The following OXR1 variants were observed in gnomAD, a reference collection of about 807,000 sequenced individuals.
OXR1 encodes the protein oxidation resistance protein 1.
In OXR1, 41 loss-of-function variants were observed where a neutral mutation model predicts 104.6. The observed-to-expected ratio is 0.39, with a 90% CI of 0.31 to 0.51. The LOEUF (loss-of-function observed/expected upper bound fraction) is 0.51, where lower values mean the gene tolerates loss of function less well. Among genes scored for constraint, OXR1 ranks in the 20% least tolerant of loss-of-function variants. OXR1 has a pLI of 0.77. For missense variants in OXR1, 955 were observed against 1,031.9 expected, an observed-to-expected ratio of 0.93 and a Z score of 1.02; for synonymous variants, 348 against 348.4, an observed-to-expected ratio of 1.00 and a Z score of 0.01.
At chr8:106,576,553 T>G (rs906246265) in intron 3 of OXR1, among the ~76,000 whole-genome samples, 1 of 151,582 alleles carries the variant, frequency 6.6e-6, no homozygotes, top group Admixed American at 6.6e-5. Context: ...TGTTGAAGAT[T>G]TTTATCCAAA....
At chr8:106,696,259 G>A (rs958414079) in intron 7 of OXR1, among the ~76,000 whole-genome samples, 6 of 152,198 alleles carry the variant, frequency 3.9e-5, no homozygotes, top group South Asian at 2.1e-4. Flanking sequence ...CTTTCACTTA[G>A]CAATGTGTGT....
At chr8:106,368,311 A>G (rs1309830293) in intron 2 of OXR1, among the ~76,000 whole-genome samples, 1 of 152,188 alleles carries the variant, frequency 6.6e-6, no homozygotes, top group Non-Finnish European at 1.5e-5. Context: ...GAATATAACC[A>G]GTTTCTCATT....
At chr8:106,519,645 G>T (rs2130113740) in intron 3 of OXR1, among the ~76,000 whole-genome samples, 1 of 152,302 alleles carries the variant, frequency 6.6e-6, no homozygotes, top group African/African-American at 2.4e-5. Flanking sequence ...AGAGAGGACA[G>T]ATTACATTGT....
At chr8:106,345,988 T>A (rs1029108564) in intron 1 of OXR1, among the ~76,000 whole-genome samples, 7 of 152,096 alleles carry the variant, frequency 4.6e-5, no homozygotes, top group Admixed American at 1.3e-4. Context: ...TCAGCTGAAA[T>A]TCTGGACTAG....
rs140437597 is a variant in OXR1 at position 106,687,692 on chromosome 8, T to C, written c.525+3333T>C. 8.6e-5 allele frequency among the ~76,000 whole-genome samples: 13 copies of C among 151,116 alleles called. No individual in the cohort carries two copies. The East Asian group carries it at 2.5e-3, about 30-fold the overall frequency. ...CCACGCCACTGCCCTTCAGCCTGGGTTACAGAGTGAGACTCTGTCTCAAAA... is the reference window on the plus strand; with the variant it reads ...CCACGCCACTGCCCTTCAGCCTGGGCTACAGAGTGAGACTCTGTCTCAAAA... On this transcript the variant is annotated intron_variant, in intron 6 of 16. Transcript: ENST00000517566.
chr8:106,351,887 C>T (rs1031036396), intron 1 of OXR1, among the ~76,000 whole-genome samples: 5 of 152,074 alleles, frequency 3.3e-5, no homozygotes, highest in Non-Finnish European at 7.3e-5. Context: ...ATCTAATATT[C>T]CTATTTTACA....
At chr8:106,303,297 A>G (rs1586496558) in intron 1 of OXR1, among the ~76,000 whole-genome samples, 2 of 121,180 alleles carry the variant, frequency 1.7e-5, no homozygotes, top group African/African-American at 6.6e-5. Flanking sequence ...TCTGTCACCC[A>G]GGCTGGAGTG....
chr8:106,742,278 T>C lies in OXR1; in HGVS notation c.2373T>C (p.Thr791=). The change falls in exon 15 of 17, where the codon ACT becomes ACC. Residue 791 remains threonine, a synonymous_variant. Coordinates refer to ENST00000517566, the MANE Select transcript of OXR1 (RefSeq NM_001198533.2). ...PLKVSDGFYG[T]GETFVFTFCP... is the part of the protein sequence containing the mutation. Reference sequence around the variant, plus strand: ...AAGTGAGTGATGGCTTTTATGGTACTGGAGAGACCTTTGTTTTTACATTCT... The same window carrying C: ...AAGTGAGTGATGGCTTTTATGGTACCGGAGAGACCTTTGTTTTTACATTCT... 6.2e-7 allele frequency: 1 copy of C among 1,611,228 alleles called. No individual in the cohort carries two copies. The highest frequency in any genetic ancestry group is 1.1e-5 in the South Asian group (1 of 90,908).
intron 2 of OXR1, among the ~76,000 whole-genome samples, chr8:106,479,368 C>T (rs1325119474): frequency 6.6e-6 from 1 of 152,028 alleles, no homozygotes; most frequent in African/African-American, 2.4e-5. Flanking sequence ...ATTCAATTCC[C>T]ATTAACATAG....
Position 106,674,622 on chromosome 8 carries a change from T to C in OXR1, c.221-4588T>C, listed in dbSNP as rs572454442. ...GGGAGGGGCCAGGGGCAGAATGATA[T>C]GGTTTGGCTTTGTGTCCCCACCCAA... On this transcript the variant is annotated intron_variant, in intron 3 of 16. Transcript: ENST00000517566. 1.4e-4 allele frequency among the ~76,000 whole-genome samples: 22 copies of C among 152,176 alleles called. No individual in the cohort carries two copies. In the South Asian group the frequency reaches 3.9e-3, roughly 27 times the overall value.
chr8:106,418,670 A>G lies in OXR1; in HGVS notation c.23+59034A>G, dbSNP rs1818780727. Among the ~76,000 whole-genome samples, 4 of 152,154 alleles carry G rather than the reference A, an allele frequency of 2.6e-5. No homozygotes were observed. In the South Asian group the frequency reaches 6.2e-4, roughly 24 times the overall value. On this transcript the variant is annotated intron_variant, in intron 2 of 16. Coordinates refer to ENST00000517566, the MANE Select transcript of OXR1 (RefSeq NM_001198533.2). ...TTATTTATTTACCGAAGAGGAATTC[A>G]TGTTCACAAGACAACTGAAAAAAAA...
chr8:106,298,832 T>G (rs185356803), intron 1 of OXR1, among the ~76,000 whole-genome samples: 1 of 152,208 alleles, frequency 6.6e-6, no homozygotes, highest in East Asian at 1.9e-4. Context: ...GATAAAACCT[T>G]TACTAATCTG....
At chr8:106,308,124 G>A (rs1158073054) in intron 1 of OXR1, among the ~76,000 whole-genome samples, 1 of 152,118 alleles carries the variant, frequency 6.6e-6, no homozygotes. Flanking sequence ...GGGGGCCCAG[G>A]AAAGCCAGTG....
intron 2 of OXR1, among the ~76,000 whole-genome samples, chr8:106,509,782 T>G (rs955264888): frequency 1.3e-5 from 2 of 152,186 alleles, no homozygotes; most frequent in Non-Finnish European, 2.9e-5. Context: ...CATTCTTTAT[T>G]TTTTCTTTAA....
intron 3 of OXR1, among the ~76,000 whole-genome samples, chr8:106,615,342 G>T (rs1421423647): frequency 6.6e-6 from 1 of 151,796 alleles, no homozygotes; most frequent in Non-Finnish European, 1.5e-5. Context: ...TGAGGCAGGA[G>T]AATCACATGA....
intron 11 of OXR1, among the ~76,000 whole-genome samples, chr8:106,721,321 G>A (rs1465956401): frequency 6.6e-6 from 1 of 151,862 alleles, no homozygotes. Flanking sequence ...CCTAATTAAA[G>A]TATCCAGTTC....
intron 2 of OXR1, among the ~76,000 whole-genome samples, chr8:106,473,759 T>C (rs1586687820): frequency 6.6e-6 from 1 of 151,442 alleles, no homozygotes; most frequent in Admixed American, 6.6e-5. Flanking sequence ...TTTGCGGTCT[T>C]GTCAGGGACA....
intron 3 of OXR1, among the ~76,000 whole-genome samples, chr8:106,602,378 A>G (rs1820039440): frequency 6.6e-6 from 1 of 152,202 alleles, no homozygotes; most frequent in Non-Finnish European, 1.5e-5. Flanking sequence ...CATGGCCTGG[A>G]GTGGCTTGGA....
chr8:106,411,824 A>G (rs1818468376), intron 2 of OXR1, among the ~76,000 whole-genome samples: 1 of 152,146 alleles, frequency 6.6e-6, no homozygotes, highest in African/African-American at 2.4e-5. Context: ...CCACCCATTC[A>G]GGACTGAGTG....
Sources: gnomAD v4.1 joint callset for allele counts (sites outside exome capture counted in the v4.1 genomes callset) on GRCh38, gnomAD v4.1.1 for gene constraint, MANE v1.5 for transcripts, NCBI Gene and HGNC (gene_info 2026-07-23, HGNC 2026-07-21) for gene names.